The following TMEM232 variants were observed in gnomAD, a reference collection of about 807,000 sequenced individuals.
TMEM232 encodes transmembrane protein 232.
In TMEM232, 80 loss-of-function variants were observed where a neutral mutation model predicts 78.8. The ratio of observed to expected loss-of-function variants is 1.01; its 90% CI spans 0.85 to 1.22. TMEM232 has a LOEUF of 1.22. Ranked by LOEUF, TMEM232 falls within the 50% of genes most tolerant of loss-of-function variation. TMEM232 has a pLI of 0.00. For missense variants in TMEM232, 881 were observed against 742.2 expected (o/e 1.19, Z -2.17); for synonymous variants, 297 against 254.3 (o/e 1.17, Z -1.60).
chr5:110,561,268 T>C (rs868241206), intron 11 of TMEM232, among the ~76,000 whole-genome samples: 1 of 152,070 alleles, frequency 6.6e-6, no homozygotes, highest in East Asian at 1.9e-4. Flanking sequence ...GCACTGCAGA[T>C]AGCTAGCTAT....
intron 11 of TMEM232, among the ~76,000 whole-genome samples, chr5:110,532,151 C>T (rs142151394): frequency 2.6e-5 from 4 of 152,212 alleles, no homozygotes; most frequent in East Asian, 3.9e-4. Context: ...AAAGAATAGC[C>T]GCAGCCCAGG....
intron 2 of TMEM232, among the ~76,000 whole-genome samples, chr5:110,406,345 T>G (rs1755794264): frequency 6.6e-6 from 1 of 151,802 alleles, no homozygotes; most frequent in African/African-American, 2.4e-5. Context: ...TCTATTCATG[T>G]GTTAATGGAC....
At chr5:110,463,724 A>G (rs1403013651) in intron 12 of TMEM232, among the ~76,000 whole-genome samples, 3 of 152,098 alleles carry the variant, frequency 2.0e-5, no homozygotes, top group Admixed American at 6.6e-5. Context: ...GACATATCCA[A>G]TTTATTGGCA....
At chr5:110,725,815 A>G (rs1798093315) in intron 1 of TMEM232, 1 of 152,164 alleles carries the variant, frequency 6.6e-6, no homozygotes. Flanking sequence ...ACTTTAAAAG[A>G]CAATTTCTGA....
Position 110,462,611 on chromosome 5 carries a change from GC to G in TMEM232, c.1704-37696del, listed in dbSNP as rs928344087. 2.4e-4 allele frequency among the ~76,000 whole-genome samples: 36 copies of G among 152,290 alleles called. 1 individual carries two copies. The highest frequency in any genetic ancestry group is 8.4e-4 in the African/African-American group (35 of 41,556). Reference sequence around the variant, plus strand: ...TTGGCCACAGACTGAAGGCTGCACTGCTGGCTTCCCTACTTTTGAGGTTTGG... The same window carrying G: ...TTGGCCACAGACTGAAGGCTGCACTGTGGCTTCCCTACTTTTGAGGTTTGG... On this transcript the variant is annotated intron_variant, in intron 12 of 13. Transcript: ENST00000455884.
intron 10 of TMEM232, among the ~76,000 whole-genome samples, chr5:110,578,316 A>G (rs1777794487): frequency 6.6e-6 from 1 of 152,070 alleles, no homozygotes. Flanking sequence ...ACAAGGAAAT[A>G]AAGAAGAAAA....
At chr5:110,708,371 T>C (rs1796147985) in intron 1 of TMEM232, among the ~76,000 whole-genome samples, 1 of 152,184 alleles carries the variant, frequency 6.6e-6, no homozygotes, top group Non-Finnish European at 1.5e-5. Context: ...GAAAAGGACA[T>C]TAATGAGAAA....
intron 10 of TMEM232, among the ~76,000 whole-genome samples, chr5:110,584,046 G>A (rs563182856): frequency 6.6e-6 from 1 of 150,690 alleles, no homozygotes; most frequent in South Asian, 2.1e-4. Context: ...GTACACTACT[G>A]GTAGGAATGC....
chr5:110,555,780 G>T (rs184202776), intron 11 of TMEM232, among the ~76,000 whole-genome samples: 132 of 152,146 alleles, frequency 8.7e-4, no homozygotes, highest in African/African-American at 2.9e-3. Context: ...ATCAGTGTTG[G>T]TTTAAAATCC....
chr5:110,710,396 G>A (rs1397086066), intron 1 of TMEM232, among the ~76,000 whole-genome samples: 1 of 151,994 alleles, frequency 6.6e-6, no homozygotes, highest in African/African-American at 2.4e-5. Flanking sequence ...CTCATTCTAT[G>A]AGGCCAGTAT....
In TMEM232 at chr5:110,627,829, G is replaced by T; in HGVS notation, c.553C>A (p.Leu185Ile). ...AGTAAATGTTGTTTAAAACTTTCTA[G>T]ATGACCATGCAGGAAAAATATAAAA... ...RLFIFFLHGHLESFKQHLLRL... is the reference protein window; with the variant it reads ...RLFIFFLHGHIESFKQHLLRL... The change falls in exon 6 of 14, where the codon CTA becomes ATA. Residue 185 changes from leucine to isoleucine, a missense_variant. Leu to Ile is a conservative substitution (Grantham distance 5). Coordinates refer to ENST00000455884, the MANE Select transcript of TMEM232 (RefSeq NM_001039763.4). The T allele has an allele frequency of 6.5e-7, 1 of 1,537,478 alleles. No individual in the cohort carries two copies. Among genetic ancestry groups the T allele is most frequent in the Non-Finnish European group, 8.7e-7 (1 of 1,143,372 alleles).
intron 1 of TMEM232, among the ~76,000 whole-genome samples, chr5:110,702,317 AT>A (rs1433505281): frequency 6.6e-6 from 1 of 151,932 alleles, no homozygotes; most frequent in Non-Finnish European, 1.5e-5. Flanking sequence ...ATAATAATCT[AT>A]TGGCTATGAT....
At chr5:110,556,390 CTTCT>C (rs1204277223) in intron 11 of TMEM232, among the ~76,000 whole-genome samples, 2 of 143,622 alleles carry the variant, frequency 1.4e-5, no homozygotes, top group East Asian at 2.1e-4. Flanking sequence ...TCTTTCTTTC[CTTCT>C]TTCTTTCTTT....
chr5:110,478,897 ATTTTTT>A lies in TMEM232; in HGVS notation c.1703+49685_1703+49690del, dbSNP rs746104997. Among the ~76,000 whole-genome samples, 278 of 111,788 alleles carry A rather than the reference ATTTTTT, an allele frequency of 2.5e-3. 1 individual carries two copies. The highest frequency in any genetic ancestry group is 8.4e-3 in the African/African-American group (261 of 31,232). 73.3% of individuals were successfully genotyped at this position (111,788 alleles called of 152,430 possible). On this transcript the variant is annotated intron_variant, in intron 12 of 13. Transcript: ENST00000455884. ...TGATTATGAGCAGATGGAGAAATTG[ATTTTTT>A]TTTTTTTTTTTTTTTTTGCTCTTTC...
At chr5:110,606,573 AG>A (rs1781567613) in intron 8 of TMEM232, among the ~76,000 whole-genome samples, 1 of 152,000 alleles carries the variant, frequency 6.6e-6, no homozygotes, top group Non-Finnish European at 1.5e-5. Flanking sequence ...ACAAGCAATC[AG>A]GGGCTCTGGT....
At chr5:110,415,483 G>A (rs536962337), downstream of TMEM232, among the ~76,000 whole-genome samples, 8 of 151,206 alleles carry the variant, frequency 5.3e-5, no homozygotes, top group Admixed American at 2.6e-4. Flanking sequence ...CACCGTGCCC[G>A]ACCCCAACTT....
rs150926188 is a variant in TMEM232 at position 110,560,465 on chromosome 5, C to T, written c.1455+7982G>A. On this transcript the variant is annotated intron_variant, in intron 11 of 13. Coordinates refer to ENST00000455884, the MANE Select transcript of TMEM232 (RefSeq NM_001039763.4). ...TGATTAGGATAATGTGAAAGGTTCA[C>T]AGGGAACAAACTGAAAATTTTTCCA... Among the ~76,000 whole-genome samples the T allele has an allele frequency of 3.8e-4, 58 of 152,170 alleles. 1 individual carries two copies. The highest frequency in any genetic ancestry group is 3.4e-3 in the Middle Eastern group (1 of 294).
At chr5:110,432,833 C>T (rs186988812) in intron 12 of TMEM232, among the ~76,000 whole-genome samples, 1 of 151,716 alleles carries the variant, frequency 6.6e-6, no homozygotes, top group African/African-American at 2.4e-5. Context: ...GGAAGAGCTA[C>T]TATTCTTAAA....
Position 110,493,382 on chromosome 5 carries a change from GA to G in TMEM232, c.1703+35205del, listed in dbSNP as rs530425968. 4.1e-3 allele frequency among the ~76,000 whole-genome samples: 485 copies of G among 119,190 alleles called. 6 individuals are homozygous for G. The highest frequency in any genetic ancestry group is 0.011 in the African/African-American group (360 of 34,108). 78.2% of individuals were successfully genotyped at this position (119,190 alleles called of 152,430 possible). On this transcript the variant is annotated intron_variant, in intron 12 of 13. Coordinates refer to ENST00000455884, the MANE Select transcript of TMEM232 (RefSeq NM_001039763.4). ...TACACGGGTCAATAGCCAAGACATT[GA>G]AAAAAAAAAAAAGTAAAATTGTCTT...
Sources: gnomAD v4.1 joint callset for allele counts (sites outside exome capture counted in the v4.1 genomes callset) on GRCh38, gnomAD v4.1.1 for gene constraint, MANE v1.5 for transcripts, NCBI Gene and HGNC (gene_info 2026-07-23, HGNC 2026-07-21) for gene names.